RABGAP1: variants seen among roughly 807,000 people sequenced by gnomAD.
RABGAP1 encodes the protein rab GTPase-activating protein 1.
Under a neutral mutation model 137.6 loss-of-function variants are expected in RABGAP1, and 23 were observed. The observed-to-expected ratio is 0.17, with a 90% CI of 0.12 to 0.24. The LOEUF is 0.24. RABGAP1 is among the 10% of genes least tolerant of loss of function. RABGAP1 has a pLI of 1.00. For missense variants in RABGAP1, 906 were observed against 1,275.8 expected (o/e 0.71, Z 4.42); for synonymous variants, 451 against 450.7 (o/e 1.00, Z -0.01).
chr9:123,021,078 T>G (rs986576442), intron 13 of RABGAP1, among the ~76,000 whole-genome samples: 4 of 152,178 alleles, frequency 2.6e-5, no homozygotes, highest in Admixed American at 6.5e-5. Flanking sequence ...TCGGTTTTAG[T>G]TTTAATTTTC....
chr9:123,006,057 G>A (rs193075421), intron 10 of RABGAP1, among the ~76,000 whole-genome samples: 73 of 152,034 alleles, frequency 4.8e-4, no homozygotes, highest in Non-Finnish European at 9.4e-4. Flanking sequence ...GGTCTTTTTC[G>A]TCTTTATTTT....
At chr9:122,964,316 T>C (rs974053349) in intron 2 of RABGAP1, among the ~76,000 whole-genome samples, 1 of 152,172 alleles carries the variant, frequency 6.6e-6, no homozygotes, top group Non-Finnish European at 1.5e-5. Context: ...ATCCTTGAAA[T>C]ACTAGCAAAG....
the RABGAP1 span, among the ~76,000 whole-genome samples, chr9:122,931,908 C>G: frequency 7.5e-6 from 1 of 133,590 alleles, no homozygotes; most frequent in Non-Finnish European, 1.7e-5. Flanking sequence ...GGTGTAGACT[C>G]GTCGCGCGGG....
At chr9:123,074,474 C>T (rs1249039059) in intron 17 of RABGAP1, 46 bp downstream of exon 17, 10 of 1,535,990 alleles carry the variant, frequency 6.5e-6, no homozygotes, top group Non-Finnish European at 8.0e-6. Flanking sequence ...TTGCAGTGTA[C>T]TTGAGGAGAA....
intron 11 of RABGAP1, 68 bp from the exon 12 acceptor site, chr9:123,015,475 C>T: frequency 4.1e-6 from 4 of 977,506 alleles, no homozygotes; most frequent in African/African-American, 1.7e-5. Flanking sequence ...TGACTCTTAA[C>T]ATTCCAGTGT....
intron 2 of RABGAP1, among the ~76,000 whole-genome samples, chr9:122,960,118 T>G (rs546772154): frequency 3.9e-5 from 6 of 152,312 alleles, no homozygotes; most frequent in South Asian, 4.1e-4. Context: ...ATTGGTAGAT[T>G]GATGGGACAT....
intron 13 of RABGAP1, among the ~76,000 whole-genome samples, chr9:123,023,933 G>C (rs1262797516): frequency 6.6e-6 from 1 of 151,782 alleles, no homozygotes; most frequent in Non-Finnish European, 1.5e-5. Context: ...AGAGTGACTT[G>C]ATTTATAGAG....
intron 13 of RABGAP1, among the ~76,000 whole-genome samples, chr9:123,031,043 G>A (rs1408871342): frequency 6.6e-6 from 1 of 151,930 alleles, no homozygotes; most frequent in African/African-American, 2.4e-5. Context: ...AACTGTTACT[G>A]TACTAATGGC....
At chr9:122,950,377 C>CTTTTTTTTTTTTTTTTTTTTTTTTTTTTT (rs200424486) in intron 1 of RABGAP1, among the ~76,000 whole-genome samples, 22 of 74,490 alleles carry the variant, frequency 3.0e-4, no homozygotes, top group East Asian at 1.6e-3. Context: ...CTTTTTCTTT[C>CTTTTTTTTTTTTTTTTTTTTTTTTTTTTT]TTTTTTTTTT....
At chr9:123,061,742 C>G (rs1321571741) in intron 13 of RABGAP1, 1 of 152,348 alleles carries the variant, frequency 6.6e-6, no homozygotes, top group East Asian at 1.9e-4. Context: ...ATTTTCAGAA[C>G]GTAACAACTG....
At chr9:123,037,721 T>C (rs1029078278) in intron 13 of RABGAP1, among the ~76,000 whole-genome samples, 1 of 152,130 alleles carries the variant, frequency 6.6e-6, no homozygotes, top group Non-Finnish European at 1.5e-5. Flanking sequence ...TTGATCTTAT[T>C]TTGTTGTGTG....
chr9:123,015,432 T>C, intron 11 of RABGAP1, 111 bp from the exon 12 acceptor site: 1 of 601,716 alleles, frequency 1.7e-6, no homozygotes, highest in Non-Finnish European at 2.8e-6. Context: ...AGAGAAATTA[T>C]GACTTTATGC....
chr9:123,006,390 A>G (rs1289841218), intron 10 of RABGAP1, among the ~76,000 whole-genome samples: 1 of 152,186 alleles, frequency 6.6e-6, no homozygotes, highest in Non-Finnish European at 1.5e-5. Context: ...TATATAGCGT[A>G]AAGTGTGGAT....
chr9:123,000,308 T>C (rs1390481509), intron 10 of RABGAP1, among the ~76,000 whole-genome samples: 4 of 152,196 alleles, frequency 2.6e-5, no homozygotes, highest in Non-Finnish European at 4.4e-5. Context: ...TCTGTCTTTT[T>C]TGTGGGTGGG....
At chr9:123,000,010 G>T (rs1177129473) in intron 10 of RABGAP1, among the ~76,000 whole-genome samples, 4 of 151,330 alleles carry the variant, frequency 2.6e-5, no homozygotes, top group African/African-American at 9.7e-5. Context: ...GTCTGTGTGG[G>T]TTTTTTTTAA....
At chr9:122,964,306 A>C (rs1284917367) in intron 2 of RABGAP1, among the ~76,000 whole-genome samples, 2 of 152,196 alleles carry the variant, frequency 1.3e-5, no homozygotes, top group African/African-American at 2.4e-5. Flanking sequence ...GGACACAAAA[A>C]TCCTTGAAAT....
chr9:123,074,344 T>A lies in RABGAP1; in HGVS notation c.2169T>A (p.Tyr723Ter). ...ATATAAGCCTTGAAGCACACATGTA[T>A]GCCTCCCAGTGGTTTCTTACTCTTT... ...FLDISLEAHM[Y>*]ASQWFLTLFT... The change falls in exon 17 of 26, where the codon TAT becomes TAA. Residue 723 changes from tyrosine (Y) to a stop codon, truncating the protein, a stop_gained. Coordinates refer to ENST00000373647, the MANE Select transcript of RABGAP1 (RefSeq NM_012197.4). LOFTEE classifies it high-confidence loss of function. 1 of 1,613,684 alleles carries A rather than the reference T, an allele frequency of 6.2e-7. No individual in the cohort carries two copies. The highest frequency in any genetic ancestry group is 8.5e-7 in the Non-Finnish European group (1 of 1,179,628).
chr9:123,006,490 C>T (rs932156016), intron 10 of RABGAP1, among the ~76,000 whole-genome samples: 1 of 152,308 alleles, frequency 6.6e-6, no homozygotes, highest in South Asian at 2.1e-4. Flanking sequence ...ATTTGAAATG[C>T]TACACTTATC....
the RABGAP1 span, among the ~76,000 whole-genome samples, chr9:122,932,342 C>A: frequency 1.3e-5 from 2 of 152,172 alleles, no homozygotes; most frequent in Non-Finnish European, 2.9e-5. Context: ...CCTCCTCAGC[C>A]TCCCAAAGTG....
Sources: gnomAD v4.1 joint callset for allele counts (sites outside exome capture counted in the v4.1 genomes callset) on GRCh38, gnomAD v4.1.1 for gene constraint, MANE v1.5 for transcripts, NCBI Gene and HGNC (gene_info 2026-07-23, HGNC 2026-07-21) for gene names.